PIK3R4: variants seen among roughly 807,000 people sequenced by gnomAD.
PIK3R4 encodes the protein phosphoinositide 3-kinase regulatory subunit 4.
A neutral mutation model predicts 136.5 loss-of-function variants in PIK3R4; 46 were observed. That is an observed-to-expected ratio of 0.34 (90% CI 0.27 to 0.43). The LOEUF (loss-of-function observed/expected upper bound fraction) is 0.43. Among genes scored for constraint, PIK3R4 ranks in the 20% least tolerant of loss-of-function variants. The pLI is 1.00. For missense variants in PIK3R4, 1,331 were observed against 1,649.5 expected (o/e 0.81, Z 3.35); for synonymous variants, 557 against 566.7 (o/e 0.98, Z 0.24).
At chr3:130,734,483 A>G (rs776038304) in intron 3 of PIK3R4, among the ~76,000 whole-genome samples, 1 of 152,254 alleles carries the variant, frequency 6.6e-6, no homozygotes, top group Non-Finnish European at 1.5e-5. Flanking sequence ...AAAAATGTAT[A>G]CACACAATTT....
intron 4 of PIK3R4, among the ~76,000 whole-genome samples, 156 bp from the exon 5 acceptor site, chr3:130,730,598 A>T (rs982440095): frequency 2.0e-5 from 3 of 152,034 alleles, no homozygotes; most frequent in African/African-American, 7.2e-5. Flanking sequence ...GATTTTAGTA[A>T]CCCAGCTCAT....
chr3:130,732,732 T>C, intron 4 of PIK3R4, among the ~76,000 whole-genome samples: 1 of 151,980 alleles, frequency 6.6e-6, no homozygotes, highest in East Asian at 1.9e-4. Flanking sequence ...AAAGACCACT[T>C]TTCACATGTT....
intron 9 of PIK3R4, among the ~76,000 whole-genome samples, chr3:130,710,345 TATA>T (rs1282643527): frequency 1.3e-5 from 2 of 151,994 alleles, no homozygotes; most frequent in Non-Finnish European, 2.9e-5. Context: ...AGAAAAACCA[TATA>T]ATAATCTCGA....
chr3:130,686,470 G>T, intron 14 of PIK3R4, 48 bp from the exon 15 acceptor site: 1 of 1,086,560 alleles, frequency 9.2e-7, no homozygotes, highest in Non-Finnish European at 1.4e-6. Context: ...TGAAAACATA[G>T]CACTAGTCTC....
chr3:130,692,597 TCTG>T (rs1324492611), intron 13 of PIK3R4, among the ~76,000 whole-genome samples: 1 of 152,272 alleles, frequency 6.6e-6, no homozygotes, highest in Non-Finnish European at 1.5e-5. Context: ...TATCCATTCA[TCTG>T]CTGATAAACA....
chr3:130,694,326 T>C (rs981141258), intron 13 of PIK3R4, among the ~76,000 whole-genome samples: 1 of 151,904 alleles, frequency 6.6e-6, no homozygotes, highest in Non-Finnish European at 1.5e-5. Context: ...AAAAGGCAGC[T>C]AGAAATTCCA....
chr3:130,716,982 G>A (rs1354879162), intron 8 of PIK3R4, among the ~76,000 whole-genome samples: 6 of 152,148 alleles, frequency 3.9e-5, no homozygotes, highest in African/African-American at 1.4e-4. Flanking sequence ...AACAGCCACA[G>A]GTCTTCCTTC....
At chr3:130,706,826 C>A in intron 11 of PIK3R4, 122 bp downstream of exon 11, 2 of 588,386 alleles carry the variant, frequency 3.4e-6, no homozygotes, top group Non-Finnish European at 5.5e-6. Flanking sequence ...AGAAATATGA[C>A]CTCCCTAAAA....
At chr3:130,690,047 A>C (rs1208997808) in intron 14 of PIK3R4, among the ~76,000 whole-genome samples, 1 of 152,246 alleles carries the variant, frequency 6.6e-6, no homozygotes, top group South Asian at 2.1e-4. Context: ...GTCCCCATCA[A>C]CTTCAGAGAT....
At chr3:130,682,374 T>C (rs903543710) in intron 16 of PIK3R4, among the ~76,000 whole-genome samples, 33 of 152,150 alleles carry the variant, frequency 2.2e-4, no homozygotes, top group African/African-American at 7.7e-4. Context: ...GGCAAGGAAA[T>C]AGATGTTCCC....
Position 130,744,752 on chromosome 3 carries a change from A to G in PIK3R4, c.467T>C (p.Val156Ala). 1 of 1,614,244 alleles carries G rather than the reference A, an allele frequency of 6.2e-7. No individual in the cohort carries two copies. Among genetic ancestry groups the G allele is most frequent in the Non-Finnish European group, 8.5e-7 (1 of 1,180,038 alleles). ...HGDIKTENVM[V>A]TSWNWVLLTD... ...TAGAAGAACCCAATTCCAACTGGTG[A>G]CCATCACATTCTCAGTCTTGATGTC... is the stretch of plus-strand genomic sequence containing the variant. Residue 156 changes from valine to alanine, a missense_variant, in exon 2 of 20, where the codon GTC becomes GCC. This residue lies in a region of PIK3R4 where 151 missense variants were observed against 242.5 expected (regional missense o/e 0.62). Transcript: ENST00000356763.
In PIK3R4 at chr3:130,679,177, TAGTC is replaced by T. The variant is rs748325526; in HGVS notation, c.*134_*137del. ...CATCTTAACCATTTTGGGTGTCATT[TAGTC>T]AGTCAGTCATGAAACAGTAATATGG... is the stretch of plus-strand genomic sequence containing the variant. On this transcript the variant is annotated 3_prime_UTR_variant, in exon 20 of 20. Transcript: ENST00000356763. 6.0e-5 allele frequency: 28 copies of T among 469,018 alleles called. No individual in the cohort carries two copies. The highest frequency in any genetic ancestry group is 2.0e-4 in the Admixed American group (5 of 25,262). 29.1% of individuals were successfully genotyped at this position (469,018 alleles called of 1,614,324 possible). A position where few individuals can be genotyped will look rare whatever the true frequency, so the allele number is the denominator to read the frequency against.
At chr3:130,685,640 G>A (rs1399825588) in intron 15 of PIK3R4, among the ~76,000 whole-genome samples, 1 of 152,196 alleles carries the variant, frequency 6.6e-6, no homozygotes, top group Non-Finnish European at 1.5e-5. Context: ...GCTTAAGCAA[G>A]CTGGATCACT....
At chr3:130,684,903 A>C (rs2066480894) in intron 15 of PIK3R4, among the ~76,000 whole-genome samples, 1 of 152,210 alleles carries the variant, frequency 6.6e-6, no homozygotes, top group Admixed American at 6.5e-5. Context: ...TGTGCAGTTT[A>C]TTCACACAAA....
chr3:130,679,737 T>C (rs1204129596), intron 19 of PIK3R4, among the ~76,000 whole-genome samples: 1 of 152,194 alleles, frequency 6.6e-6, no homozygotes, highest in African/African-American at 2.4e-5. Flanking sequence ...ATTCTGTGCA[T>C]ATTAACTTTT....
chr3:130,716,301 TA>T, intron 9 of PIK3R4, 94 bp downstream of exon 9: 2 of 954,278 alleles, frequency 2.1e-6, no homozygotes, highest in South Asian at 3.0e-5. Flanking sequence ...TGATGTAATC[TA>T]ATCAATCAAA....
chr3:130,708,111 G>A (rs946243492), intron 10 of PIK3R4, among the ~76,000 whole-genome samples, 180 bp downstream of exon 10: 1 of 152,160 alleles, frequency 6.6e-6, no homozygotes, highest in African/African-American at 2.4e-5. Flanking sequence ...TTCCTTAACT[G>A]TTAGTTCGCT....
chr3:130,695,223 CA>C (rs1041838634), intron 13 of PIK3R4, among the ~76,000 whole-genome samples: 16 of 152,054 alleles, frequency 1.1e-4, no homozygotes, highest in Non-Finnish European at 5.9e-5. Flanking sequence ...TATTGGTCTA[CA>C]GCTTTCTTGT....
intron 13 of PIK3R4, among the ~76,000 whole-genome samples, chr3:130,694,923 T>C (rs2066537723): frequency 6.6e-6 from 1 of 152,148 alleles, no homozygotes; most frequent in Non-Finnish European, 1.5e-5. Context: ...GGGTTTTTTG[T>C]TGTAGATGGC....
Sources: allele counts gnomAD v4.1 joint callset (sites outside exome capture counted in the v4.1 genomes callset), GRCh38; gene constraint gnomAD v4.1.1; regional missense constraint gnomAD v4.1.1; transcripts MANE v1.5; gene names NCBI Gene and HGNC (gene_info 2026-07-23, HGNC 2026-07-21).